LRP1B: variants seen among roughly 807,000 people sequenced by gnomAD.
The protein encoded by LRP1B is LDL receptor related protein 1B.
LRP1B carries 217 observed loss-of-function variants against 556.6 expected under a neutral mutation model. That is an observed-to-expected ratio of 0.39 (90% CI 0.35 to 0.44). The LOEUF is 0.44. LRP1B is among the 20% of genes least tolerant of loss of function. LRP1B has a pLI of 1.00. For synonymous variants in LRP1B, 2,047 were observed against 1,865.8 expected (o/e 1.10, Z -2.50); for missense variants, 5,053 against 5,620.8 (o/e 0.90, Z 3.23).
At chr2:141,483,234 T>C (rs1682991642) in intron 2 of LRP1B, among the ~76,000 whole-genome samples, 1 of 150,086 alleles carries the variant, frequency 6.7e-6, no homozygotes, top group African/African-American at 2.5e-5. Flanking sequence ...GTCCTTGCGA[T>C]AGTTTGCTGA....
intron 2 of LRP1B, among the ~76,000 whole-genome samples, chr2:141,660,934 C>T (rs1365377403): frequency 6.6e-6 from 1 of 152,108 alleles, no homozygotes; most frequent in Non-Finnish European, 1.5e-5. Context: ...CAGGTCGGTA[C>T]CTCTCTGGTA....
chr2:142,092,866 T>G (rs1413984819), intron 1 of LRP1B, among the ~76,000 whole-genome samples: 1 of 152,150 alleles, frequency 6.6e-6, no homozygotes, highest in Non-Finnish European at 1.5e-5. Flanking sequence ...ATTATTTTTC[T>G]GCAAAATCAC....
chr2:141,578,465 T>C (rs1686840973), intron 2 of LRP1B, among the ~76,000 whole-genome samples: 1 of 147,684 alleles, frequency 6.8e-6, no homozygotes, highest in Admixed American at 6.7e-5. Context: ...TTGAAGAAAA[T>C]CTCCCAGAGC....
chr2:141,733,882 G>C (rs1282553715), intron 2 of LRP1B, among the ~76,000 whole-genome samples: 3 of 152,028 alleles, frequency 2.0e-5, no homozygotes. Context: ...TTCCACTTCT[G>C]TGATGTATGT....
At chr2:140,872,107 G>GT (rs890084564) in intron 25 of LRP1B, among the ~76,000 whole-genome samples, 8 of 71,070 alleles carry the variant, frequency 1.1e-4, no homozygotes, top group East Asian at 4.4e-4. Flanking sequence ...TTGAGCAAAA[G>GT]TTTTTTTATT....
At chr2:141,757,284 A>G (rs1694357597) in intron 2 of LRP1B, among the ~76,000 whole-genome samples, 1 of 152,186 alleles carries the variant, frequency 6.6e-6, no homozygotes, top group Non-Finnish European at 1.5e-5. Context: ...GCCACATTTC[A>G]CATGACCTAG....
At chr2:140,604,410 C>G (rs1213698596) in intron 41 of LRP1B, among the ~76,000 whole-genome samples, 1 of 151,974 alleles carries the variant, frequency 6.6e-6, no homozygotes, top group Non-Finnish European at 1.5e-5. Context: ...TTCCTGGATT[C>G]TAGTTTCCAT....
chr2:141,593,997 C>T (rs1186554916), intron 2 of LRP1B, among the ~76,000 whole-genome samples: 1 of 152,032 alleles, frequency 6.6e-6, no homozygotes, highest in Non-Finnish European at 1.5e-5. Context: ...CACCCTTCAC[C>T]TTTTTTATAT....
chr2:140,777,935 A>G (rs1689555794), intron 32 of LRP1B, among the ~76,000 whole-genome samples: 1 of 152,132 alleles, frequency 6.6e-6, no homozygotes, highest in South Asian at 2.1e-4. Context: ...TAAAAAAAAG[A>G]TTAGTAGAAT....
chr2:140,588,957 C>T (rs1472613189), intron 43 of LRP1B, among the ~76,000 whole-genome samples: 9 of 120,940 alleles, frequency 7.4e-5, no homozygotes, highest in East Asian at 2.4e-4. Context: ...AACGAGACTC[C>T]GTCTCAAAGA....
intron 1 of LRP1B, among the ~76,000 whole-genome samples, chr2:142,036,508 T>G (rs896719499): frequency 2.6e-5 from 4 of 151,676 alleles, no homozygotes; most frequent in Non-Finnish European, 4.4e-5. Flanking sequence ...GACAGCAGGA[T>G]AGTATCAAGT....
chr2:141,831,959 C>T (rs1002449495), intron 1 of LRP1B, among the ~76,000 whole-genome samples: 1 of 151,618 alleles, frequency 6.6e-6, no homozygotes, highest in Non-Finnish European at 1.5e-5. Context: ...TAGTTCAATG[C>T]CTTTCTACAT....
At chr2:141,762,447 T>C (rs747888747) in intron 2 of LRP1B, among the ~76,000 whole-genome samples, 3 of 152,194 alleles carry the variant, frequency 2.0e-5, no homozygotes, top group Admixed American at 6.5e-5. Flanking sequence ...ATGCTTTACA[T>C]AGCATATTTA....
At chr2:140,945,123 A>G (rs1321919188) in intron 20 of LRP1B, among the ~76,000 whole-genome samples, 1 of 152,174 alleles carries the variant, frequency 6.6e-6, no homozygotes, top group Non-Finnish European at 1.5e-5. Flanking sequence ...AAGCTGAGAG[A>G]TAAATCAAGA....
intron 1 of LRP1B, among the ~76,000 whole-genome samples, chr2:142,005,421 T>C (rs1375110158): frequency 2.0e-5 from 3 of 152,136 alleles, no homozygotes; most frequent in East Asian, 3.9e-4. Context: ...ATGGATCCTG[T>C]TCTATTACCA....
intron 66 of LRP1B, among the ~76,000 whole-genome samples, chr2:140,394,681 CAGCA>C (rs1684174977): frequency 6.6e-6 from 1 of 152,050 alleles, no homozygotes; most frequent in Non-Finnish European, 1.5e-5. Context: ...AACTTCTAGA[CAGCA>C]ATATGTCAAG....
In LRP1B at chr2:141,061,864, A is replaced by G. The variant is rs887036373; in HGVS notation, c.1236+187T>C. On this transcript the variant is annotated intron_variant, in intron 8 of 90. Transcript: ENST00000389484. ...AGAAGGGAGAAAGAGCAAGAGAGGC[A>G]TCTCCAATTTTGTGGAAATATCACA... Among the ~76,000 whole-genome samples the G allele has an allele frequency of 7.9e-5, 12 of 151,850 alleles. 1 individual carries two copies. Among genetic ancestry groups the G allele is most frequent in the Admixed American group, 5.3e-4 (8 of 15,208 alleles).
At chr2:141,040,633 A>C (rs541533766) in intron 11 of LRP1B, among the ~76,000 whole-genome samples, 1 of 152,046 alleles carries the variant, frequency 6.6e-6, no homozygotes, top group East Asian at 1.9e-4. Flanking sequence ...GTGTGCGCAC[A>C]TGTGTATGTG....
chr2:140,471,615 C>T (rs1054938069), intron 60 of LRP1B, among the ~76,000 whole-genome samples: 1 of 152,136 alleles, frequency 6.6e-6, no homozygotes, highest in African/African-American at 2.4e-5. Context: ...TCTCCATTCC[C>T]ACAGCTATAA....
Sources: gnomAD v4.1 joint callset for allele counts (sites outside exome capture counted in the v4.1 genomes callset) on GRCh38, gnomAD v4.1.1 for gene constraint, MANE v1.5 for transcripts, NCBI Gene and HGNC (gene_info 2026-07-23, HGNC 2026-07-21) for gene names.